TBC1D19: variants seen among roughly 807,000 people sequenced by gnomAD.
TBC1D19 encodes TBC1 domain family, member 19.
A neutral mutation model predicts 89.0 loss-of-function variants in TBC1D19; 60 were observed. That is an observed-to-expected ratio of 0.67 (90% CI 0.55 to 0.84). The LOEUF is 0.84. Among genes scored for constraint, TBC1D19 ranks in the 40% least tolerant of loss-of-function variants. TBC1D19 has a pLI of 0.00. For missense variants in TBC1D19, 500 were observed against 610.8 expected (o/e 0.82, Z 1.91); for synonymous variants, 189 against 199.7 (o/e 0.95, Z 0.45).
At chr4:26,841,032 C>G in the TBC1D19 span, among the ~76,000 whole-genome samples, 2 of 152,072 alleles carry the variant, frequency 1.3e-5, no homozygotes, top group Non-Finnish European at 2.9e-5. Context: ...GGGGTCCTTG[C>G]ACCTGCATCT....
At chr4:26,851,315 A>ATCTGTCTGTCTG in the TBC1D19 span, among the ~76,000 whole-genome samples, 32 of 143,314 alleles carry the variant, frequency 2.2e-4, no homozygotes, top group African/African-American at 7.0e-4. Context: ...CTATCTATCT[A>ATCTGTCTGTCTG]TCTATCTATC....
chr4:26,652,905 G>C (rs1382127698), intron 7 of TBC1D19, among the ~76,000 whole-genome samples: 4 of 151,986 alleles, frequency 2.6e-5, no homozygotes, highest in Non-Finnish European at 4.4e-5. Context: ...CTTGCCTTCG[G>C]CTAGCTTTTG....
chr4:26,608,234 A>T (rs931206673), intron 1 of TBC1D19, among the ~76,000 whole-genome samples: 18 of 152,190 alleles, frequency 1.2e-4, no homozygotes, highest in African/African-American at 4.3e-4. Flanking sequence ...TTAAAAATGC[A>T]AACATGTCTT....
At chr4:26,582,832 A>C (rs1739142067), upstream of TBC1D19, among the ~76,000 whole-genome samples, 1 of 152,096 alleles carries the variant, frequency 6.6e-6, no homozygotes, top group African/African-American at 2.4e-5. Flanking sequence ...AGTATTCTGG[A>C]TGGTGGTGTT....
At chr4:26,604,737 C>T (rs765739840) in intron 1 of TBC1D19, among the ~76,000 whole-genome samples, 6 of 151,506 alleles carry the variant, frequency 4.0e-5, no homozygotes, top group Non-Finnish European at 7.4e-5. Context: ...AAAAATTAGC[C>T]GGGCATGGTG....
intron 9 of TBC1D19, among the ~76,000 whole-genome samples, chr4:26,671,441 G>GCAA (rs1171150659): frequency 2.6e-5 from 4 of 151,722 alleles, no homozygotes; most frequent in African/African-American, 9.7e-5. Flanking sequence ...TCTTTTGCCA[G>GCAA]ATATATGTAC....
At position 26,584,157 on chromosome 4, in the gene TBC1D19, G is replaced by C; in HGVS notation, c.-37G>C. The C allele has an allele frequency of 1.3e-6, 2 of 1,595,210 alleles. No homozygotes were observed. The highest frequency in any genetic ancestry group is 1.1e-5 in the South Asian group (1 of 87,952). On this transcript the variant is annotated 5_prime_UTR_variant, in exon 1 of 21. Transcript: ENST00000264866. ...GTAGCCCGTTCGCTCCGCGCCGGCG[G>C]CCTGTCCCCGCGGCTTGGCGGGCTA...
chr4:26,705,606 G>A (rs7677298), intron 13 of TBC1D19, among the ~76,000 whole-genome samples: 148,901 of 152,262 alleles, frequency 0.98, 72,885 homozygotes, highest in East Asian at 1. Context: ...TCATTTGACC[G>A]TATATTCAAG....
intron 12 of TBC1D19, among the ~76,000 whole-genome samples, chr4:26,686,963 A>C (rs750927318): frequency 2.6e-5 from 4 of 152,082 alleles, no homozygotes; most frequent in African/African-American, 9.7e-5. Context: ...TGTTTTTACT[A>C]TCTTGCCAGT....
At chr4:26,714,909 C>T (rs1190158930) in intron 13 of TBC1D19, among the ~76,000 whole-genome samples, 1 of 152,034 alleles carries the variant, frequency 6.6e-6, no homozygotes, top group Admixed American at 6.6e-5. Context: ...TTGATGGTTA[C>T]TCACTACTCA....
chr4:26,822,118 A>G, the TBC1D19 span, among the ~76,000 whole-genome samples: 127 of 152,346 alleles, frequency 8.3e-4, no homozygotes, highest in Middle Eastern at 6.8e-3. Flanking sequence ...GACATTAGCC[A>G]TGGTGATTTT....
intron 8 of TBC1D19, among the ~76,000 whole-genome samples, chr4:26,660,631 T>C (rs1266813028): frequency 6.6e-6 from 1 of 152,144 alleles, no homozygotes; most frequent in Non-Finnish European, 1.5e-5. Context: ...GGGGCTTCCA[T>C]TTCTAGTTCC....
At chr4:26,810,090 G>C in the TBC1D19 span, among the ~76,000 whole-genome samples, 1 of 152,180 alleles carries the variant, frequency 6.6e-6, no homozygotes, top group Non-Finnish European at 1.5e-5. Flanking sequence ...ACATGCCCCT[G>C]AGAGCAGCCT....
the TBC1D19 span, among the ~76,000 whole-genome samples, chr4:26,820,230 C>T: frequency 6.6e-6 from 1 of 151,182 alleles, no homozygotes; most frequent in Non-Finnish European, 1.5e-5. Flanking sequence ...TTGTTATTCA[C>T]TATGGTTACC....
intron 3 of TBC1D19, among the ~76,000 whole-genome samples, chr4:26,615,332 T>C (rs988451533): frequency 6.6e-6 from 1 of 152,204 alleles, no homozygotes; most frequent in Non-Finnish European, 1.5e-5. Flanking sequence ...CAATTACTTA[T>C]TGAATACCTA....
At chr4:26,773,878 A>G in the TBC1D19 span, among the ~76,000 whole-genome samples, 3 of 152,152 alleles carry the variant, frequency 2.0e-5, no homozygotes, top group Admixed American at 6.6e-5. Flanking sequence ...GTCTTGTAGC[A>G]TAGTTTGAAG....
chr4:26,596,097 C>T (rs1365938222), intron 1 of TBC1D19, among the ~76,000 whole-genome samples: 3 of 152,060 alleles, frequency 2.0e-5, no homozygotes, highest in African/African-American at 4.8e-5. Flanking sequence ...GCTGGGATTA[C>T]AGGTGCGTGC....
chr4:26,652,212 A>T (rs1311258539), intron 7 of TBC1D19, among the ~76,000 whole-genome samples: 2 of 151,968 alleles, frequency 1.3e-5, no homozygotes, highest in East Asian at 3.9e-4. Context: ...TGGTATCAGG[A>T]TGATACTGGC....
At chr4:26,704,088 T>C (rs1320593644) in intron 13 of TBC1D19, among the ~76,000 whole-genome samples, 1 of 151,956 alleles carries the variant, frequency 6.6e-6, no homozygotes, top group East Asian at 1.9e-4. Flanking sequence ...ATTATAGAAA[T>C]AATGTTTTTA....
Sources: gnomAD v4.1 joint callset for allele counts (sites outside exome capture counted in the v4.1 genomes callset) on GRCh38, gnomAD v4.1.1 for gene constraint, MANE v1.5 for transcripts, NCBI Gene and HGNC (gene_info 2026-07-23, HGNC 2026-07-21) for gene names.